C12orf42: variants seen among roughly 807,000 people sequenced by gnomAD.
C12orf42 encodes uncharacterized protein C12orf42.
C12orf42 carries 25 observed loss-of-function variants against 21.6 expected under a neutral mutation model. The ratio of observed to expected loss-of-function variants is 1.16; its 90% CI spans 0.84 to 1.62. The LOEUF (loss-of-function observed/expected upper bound fraction) is 1.62, where lower values mean the gene tolerates loss of function less well. Ranked by LOEUF, C12orf42 falls within the 40% of genes most tolerant of loss-of-function variation. C12orf42 has a pLI of 0.00. For missense variants in C12orf42, 483 were observed against 459.3 expected (o/e 1.05, Z -0.47); for synonymous variants, 174 against 175.0 (o/e 0.99, Z 0.05).
chr12:103,222,643 G>A, the C12orf42 span, among the ~76,000 whole-genome samples: 2 of 152,170 alleles, frequency 1.3e-5, no homozygotes, highest in Admixed American at 6.5e-5. Flanking sequence ...AAGTGAGACT[G>A]GGGATGAAGG....
chr12:103,435,019 G>C (rs1950574873), intron 2 of C12orf42, among the ~76,000 whole-genome samples: 1 of 152,138 alleles, frequency 6.6e-6, no homozygotes, highest in African/African-American at 2.4e-5. Context: ...GCTTTGAAGA[G>C]AGCAGTGGTT....
chr12:103,390,777 T>A (rs2047008354), intron 3 of C12orf42, among the ~76,000 whole-genome samples: 1 of 152,142 alleles, frequency 6.6e-6, no homozygotes, highest in Non-Finnish European at 1.5e-5. Context: ...AGAGATGACA[T>A]CTTAGTTCAA....
intron 10 of C12orf42, among the ~76,000 whole-genome samples, chr12:103,250,984 T>G (rs1267104640): frequency 6.6e-6 from 1 of 152,062 alleles, no homozygotes; most frequent in Non-Finnish European, 1.5e-5. Flanking sequence ...AGACCCCTCT[T>G]TGGTAATCCT....
At chr12:103,221,266 A>G in the C12orf42 span, among the ~76,000 whole-genome samples, 1 of 151,930 alleles carries the variant, frequency 6.6e-6, no homozygotes, top group Admixed American at 6.6e-5. Flanking sequence ...ATTTTTTTTT[A>G]AGTGTTATAT....
the C12orf42 span, among the ~76,000 whole-genome samples, chr12:103,173,190 T>C: frequency 6.6e-6 from 1 of 152,186 alleles, no homozygotes. Context: ...TGCTGGCATC[T>C]ATATAGCCTG....
intron 4 of C12orf42, among the ~76,000 whole-genome samples, chr12:103,347,632 C>A (rs1277362447): frequency 6.6e-6 from 1 of 152,172 alleles, no homozygotes; most frequent in African/African-American, 2.4e-5. Flanking sequence ...CAGGTACAGC[C>A]TCTTCCCACT....
chr12:103,339,917 A>G (rs1474915559), intron 4 of C12orf42, among the ~76,000 whole-genome samples: 1 of 152,264 alleles, frequency 6.6e-6, no homozygotes, highest in African/African-American at 2.4e-5. Context: ...TACTTAGCAA[A>G]GTTCCTGAGA....
the C12orf42 span, among the ~76,000 whole-genome samples, chr12:103,061,048 C>A: frequency 6.6e-6 from 1 of 152,248 alleles, no homozygotes; most frequent in Admixed American, 6.5e-5. Context: ...TAGCAGTCCA[C>A]GTTTCCTGCT....
intron 10 of C12orf42, among the ~76,000 whole-genome samples, chr12:103,248,573 T>C (rs1458878912): frequency 6.6e-6 from 1 of 152,018 alleles, no homozygotes; most frequent in Non-Finnish European, 1.5e-5. Context: ...ACATGTATAA[T>C]ATATTTCTGA....
At chr12:103,077,186 G>T in the C12orf42 span, among the ~76,000 whole-genome samples, 1 of 152,132 alleles carries the variant, frequency 6.6e-6, no homozygotes, top group Non-Finnish European at 1.5e-5. Flanking sequence ...GATAATTGAA[G>T]ATATAATTAA....
chr12:103,220,640 C>T, the C12orf42 span, among the ~76,000 whole-genome samples: 1 of 152,156 alleles, frequency 6.6e-6, no homozygotes, highest in African/African-American at 2.4e-5. Flanking sequence ...AGAGACAAAA[C>T]ACACACAGAA....
downstream of C12orf42, chr12:103,267,963 CT>C (rs945872614): frequency 6.6e-6 from 1 of 152,022 alleles, no homozygotes; most frequent in African/African-American, 2.4e-5. Flanking sequence ...TTAGACTCTA[CT>C]TTTCAAAATC....
At chr12:103,434,166 A>T (rs1258763047) in intron 2 of C12orf42, among the ~76,000 whole-genome samples, 3 of 152,190 alleles carry the variant, frequency 2.0e-5, no homozygotes, top group Non-Finnish European at 4.4e-5. Context: ...TAGAGCCAAG[A>T]TGGCTACACC....
At chr12:103,281,955 G>T (rs2036163446) in intron 4 of C12orf42, among the ~76,000 whole-genome samples, 2 of 150,488 alleles carry the variant, frequency 1.3e-5, no homozygotes, top group South Asian at 4.2e-4. Context: ...AAGAAAGAAA[G>T]AAAGAAAGAG....
chr12:103,258,312 A>C (rs1181083753), intron 10 of C12orf42, among the ~76,000 whole-genome samples: 1 of 152,102 alleles, frequency 6.6e-6, no homozygotes, highest in Non-Finnish European at 1.5e-5. Context: ...AGATATCGTA[A>C]ACTGCCCTAA....
chr12:103,462,563 A>ATACTTTG (rs1204508801), intron 2 of C12orf42, among the ~76,000 whole-genome samples: 2 of 152,196 alleles, frequency 1.3e-5, no homozygotes, highest in Admixed American at 1.3e-4. Flanking sequence ...TAAAAGCCAC[A>ATACTTTG]CACAAAATAT....
chr12:103,116,377 A>T, the C12orf42 span, among the ~76,000 whole-genome samples: 1 of 130,406 alleles, frequency 7.7e-6, no homozygotes, highest in African/African-American at 2.9e-5. Context: ...CAAGAAAAAA[A>T]AAAAATATAT....
chr12:103,150,923 A>G, the C12orf42 span, among the ~76,000 whole-genome samples: 4 of 152,162 alleles, frequency 2.6e-5, no homozygotes, highest in African/African-American at 4.8e-5. Flanking sequence ...CTCAGCATCA[A>G]TTAAAACATC....
chr12:103,560,774 G>A, the C12orf42 span, among the ~76,000 whole-genome samples: 1 of 152,158 alleles, frequency 6.6e-6, no homozygotes, highest in South Asian at 2.1e-4. Context: ...TCATCTTTAT[G>A]GGGGTGAAAG....
Sources: allele counts gnomAD v4.1 joint callset (sites outside exome capture counted in the v4.1 genomes callset), GRCh38; gene constraint gnomAD v4.1.1; transcripts MANE v1.5; gene names NCBI Gene and HGNC (gene_info 2026-07-23, HGNC 2026-07-21).